ASAP1: variants seen among roughly 807,000 people sequenced by gnomAD.
ASAP1 encodes the protein arf-GAP with SH3 domain, ANK repeat and PH domain-containing protein 1.
In ASAP1, 43 loss-of-function variants were observed where a neutral mutation model predicts 145.2. The ratio of observed to expected loss-of-function variants is 0.30; its 90% CI spans 0.23 to 0.38. The LOEUF is 0.38. Ranked by LOEUF, ASAP1 falls within the 10% of genes least tolerant of loss-of-function variation. ASAP1 has a pLI of 1.00. For missense variants in ASAP1, 1,018 were observed against 1,355.3 expected (o/e 0.75, Z 3.91); for synonymous variants, 546 against 515.5 (o/e 1.06, Z -0.80).
At chr8:130,122,430 A>C (rs2097567903) in intron 18 of ASAP1, among the ~76,000 whole-genome samples, 1 of 152,226 alleles carries the variant, frequency 6.6e-6, no homozygotes, top group South Asian at 2.1e-4. Context: ...CAAACAAGGA[A>C]GTAATAATAG....
intron 3 of ASAP1, among the ~76,000 whole-genome samples, chr8:130,296,691 CT>C (rs1202032697): frequency 2.0e-5 from 3 of 151,934 alleles, no homozygotes; most frequent in African/African-American, 7.3e-5. Flanking sequence ...TTTCTTCTGG[CT>C]TTTCCCCCTT....
chr8:130,122,801 C>A (rs2097568688), intron 18 of ASAP1, among the ~76,000 whole-genome samples: 1 of 152,222 alleles, frequency 6.6e-6, no homozygotes. Flanking sequence ...AGGCACAAAG[C>A]TGACCAGGTG....
At chr8:130,102,943 G>C (rs1027996900) in intron 24 of ASAP1, among the ~76,000 whole-genome samples, 3 of 152,136 alleles carry the variant, frequency 2.0e-5, no homozygotes, top group Non-Finnish European at 4.4e-5. Flanking sequence ...CTCCTGACTT[G>C]GCCTCCCAAA....
chr8:130,141,275 C>T (rs913540120), intron 13 of ASAP1, among the ~76,000 whole-genome samples: 22 of 152,130 alleles, frequency 1.4e-4, no homozygotes, highest in African/African-American at 4.6e-4. Context: ...GACCTCCAGG[C>T]ACCAATCGCA....
intron 3 of ASAP1, among the ~76,000 whole-genome samples, chr8:130,243,933 C>T (rs1586670216): frequency 6.6e-6 from 1 of 152,270 alleles, no homozygotes; most frequent in African/African-American, 2.4e-5. Flanking sequence ...TGGTGCTATC[C>T]TGTTCATGGC....
chr8:130,411,660 A>G (rs982031133), intron 1 of ASAP1, among the ~76,000 whole-genome samples: 1 of 152,224 alleles, frequency 6.6e-6, no homozygotes, highest in Non-Finnish European at 1.5e-5. Context: ...AAAAAAAGGA[A>G]GTTGTATAAG....
intron 13 of ASAP1, among the ~76,000 whole-genome samples, chr8:130,149,849 C>T (rs566659444): frequency 9.2e-5 from 14 of 152,194 alleles, no homozygotes; most frequent in African/African-American, 2.9e-4. Context: ...ATGTTACTGG[C>T]AGCAAAAAAG....
rs73711223 is a variant in ASAP1, at chr8:130,343,275, G to A, written c.186+14742C>T. 5.2e-3 allele frequency among the ~76,000 whole-genome samples: 786 copies of A among 152,288 alleles called. 10 individuals are homozygous for A. The highest frequency in any genetic ancestry group is 0.018 in the African/African-American group (759 of 41,554). On this transcript the variant is annotated intron_variant, in intron 3 of 29. Transcript: ENST00000518721. ...CAGATAGAGAAGTCACTACTAAGGCGGATACGGGCTGATAAGGCAGAGCTA... is the reference window on the plus strand; with the variant it reads ...CAGATAGAGAAGTCACTACTAAGGCAGATACGGGCTGATAAGGCAGAGCTA...
rs1426969742 is a variant in ASAP1, at chr8:130,388,664, G to A, written c.59+13221C>T. ...AGAGTCACAAGAAGAAATCCAAGCC[G>A]GCTTGGTGTCATAGAAGCCAAAAGA... On this transcript the variant is annotated intron_variant, in intron 2 of 29. Coordinates refer to ENST00000518721, the MANE Select transcript of ASAP1 (RefSeq NM_018482.4). Among the ~76,000 whole-genome samples the A allele has an allele frequency of 3.9e-5, 6 of 152,186 alleles. No homozygotes were observed. The South Asian group carries it at 6.2e-4, about 16-fold the overall frequency.
intron 13 of ASAP1, among the ~76,000 whole-genome samples, chr8:130,145,320 GT>G (rs1186682973): frequency 6.6e-6 from 1 of 152,124 alleles, no homozygotes; most frequent in Non-Finnish European, 1.5e-5. Flanking sequence ...TATGGCATAT[GT>G]TTTTTTCTTT....
intron 3 of ASAP1, among the ~76,000 whole-genome samples, chr8:130,267,215 T>A (rs1281022124): frequency 6.6e-6 from 1 of 151,556 alleles, no homozygotes; most frequent in Admixed American, 6.6e-5. Context: ...TAAAAAAGAA[T>A]CTATTGCTCA....
chr8:130,236,903 AT>A lies in ASAP1; in HGVS notation c.259+18del. 6.6e-7 allele frequency: 1 copy of A among 1,507,224 alleles called. No individual in the cohort carries two copies. 93.4% of individuals were successfully genotyped at this position (1,507,224 alleles called of 1,614,324 possible). ...CATTATTTATAATTCATGTTACCTCATTTTTAGTAAGTGCTTACCTTGACCA... is the reference window on the plus strand; with the variant it reads ...CATTATTTATAATTCATGTTACCTCATTTTAGTAAGTGCTTACCTTGACCA... On this transcript the variant is annotated intron_variant, in intron 4 of 29. Coordinates refer to ENST00000518721, the MANE Select transcript of ASAP1 (RefSeq NM_018482.4).
intron 24 of ASAP1, among the ~76,000 whole-genome samples, chr8:130,097,621 G>A (rs1256056874): frequency 1.3e-5 from 2 of 152,218 alleles, no homozygotes; most frequent in Non-Finnish European, 1.5e-5. Context: ...CAGGGCTCAG[G>A]AAGTGCACCC....
chr8:130,121,553 G>A (rs1050839477), intron 18 of ASAP1, among the ~76,000 whole-genome samples: 27 of 151,984 alleles, frequency 1.8e-4, no homozygotes, highest in African/African-American at 6.3e-4. Flanking sequence ...AGGCCGAGGT[G>A]GGTGAATCAC....
At chr8:130,187,401 A>G (rs966447620) in intron 6 of ASAP1, 116 bp from the exon 7 acceptor site, 1 of 821,742 alleles carries the variant, frequency 1.2e-6, no homozygotes, top group African/African-American at 1.8e-5. Context: ...TGGGAACTTC[A>G]CTTTATGCAC....
chr8:130,279,258 T>C (rs1210131550), intron 3 of ASAP1, among the ~76,000 whole-genome samples: 1 of 152,144 alleles, frequency 6.6e-6, no homozygotes, highest in Non-Finnish European at 1.5e-5. Flanking sequence ...AATTACTCTT[T>C]CCTCATGTAA....
At chr8:130,286,183 G>A (rs945554242) in intron 3 of ASAP1, among the ~76,000 whole-genome samples, 4 of 152,198 alleles carry the variant, frequency 2.6e-5, no homozygotes, top group Non-Finnish European at 5.9e-5. Flanking sequence ...AAATGGCAGA[G>A]TAGGTTTTAG....
At chr8:130,350,650 A>T (rs912642825) in intron 3 of ASAP1, among the ~76,000 whole-genome samples, 1 of 152,220 alleles carries the variant, frequency 6.6e-6, no homozygotes, top group Non-Finnish European at 1.5e-5. Context: ...ATTTTTCCAC[A>T]AAGTGGCTAC....
chr8:130,157,112 G>A (rs2097659688), intron 12 of ASAP1, among the ~76,000 whole-genome samples: 1 of 152,224 alleles, frequency 6.6e-6, no homozygotes, highest in Non-Finnish European at 1.5e-5. Context: ...CAGATGGTCA[G>A]GGAAGAACAA....
Sources: allele counts gnomAD v4.1 joint callset (sites outside exome capture counted in the v4.1 genomes callset), GRCh38; gene constraint gnomAD v4.1.1; transcripts MANE v1.5; gene names NCBI Gene and HGNC (gene_info 2026-07-23, HGNC 2026-07-21).